The following CEP89 variants were observed in gnomAD, a reference collection of about 807,000 sequenced individuals.
The protein encoded by CEP89 is centrosomal protein of 89 kDa.
Under a neutral mutation model 97.6 loss-of-function variants are expected in CEP89, and 95 were observed. The ratio of observed to expected loss-of-function variants is 0.97; its 90% confidence interval spans 0.82 to 1.15. CEP89 has a LOEUF of 1.15. Among genes scored for constraint, CEP89 ranks in the 50% most tolerant of loss-of-function variants. The probability of loss-of-function intolerance (pLI) is 0.00; values close to 1 mark genes in which losing one functional copy is unlikely to be tolerated. For synonymous variants in CEP89, 354 were observed against 349.1 expected (o/e 1.01, Z -0.16); for missense variants, 869 against 947.7 (o/e 0.92, Z 1.09).
Position 32,937,657 on chromosome 19 carries a change from A to G in CEP89, c.641T>C (p.Leu214Ser), listed in dbSNP as rs748741497. ...VLNLKDEKPPLCEKPPPSPDI... is the reference protein window; with the variant it reads ...VLNLKDEKPPSCEKPPPSPDI... ...TGGGGAGGGTGGAGGTTTCTCACAT[A>G]ATGGAGGTTTTTCATCCTAGGAAAG... is the stretch of plus-strand genomic sequence containing the variant. Residue 214 changes from leucine (L) to serine (S), a missense_variant, in exon 7 of 19, where the codon TTA (leucine) becomes TCA (serine). Leu to Ser is a moderately radical substitution (Grantham distance 145). Transcript: ENST00000305768. 6.2e-7 allele frequency: 1 copy of G among 1,606,446 alleles called. No individual in the cohort carries two copies. The highest frequency in any genetic ancestry group is 1.1e-5 in the South Asian group (1 of 89,912).
rs529725271 is a variant in CEP89 at position 32,923,076 on chromosome 19, G to T, written c.1268+363C>A. ...AAGCCTCATGAGCTTTCTGTTTTGG[G>T]AGGCCATTTTGAGCTTTCTGTTCTG... is the stretch of plus-strand genomic sequence containing the variant. On this transcript the variant is annotated intron_variant, in intron 12 of 18. Coordinates refer to ENST00000305768, the MANE Select transcript of CEP89 (RefSeq NM_032816.5). 2.0e-5 allele frequency among the ~76,000 whole-genome samples: 3 copies of T among 152,228 alleles called. No homozygotes were observed. The East Asian group carries it at 5.8e-4, about 29-fold the overall frequency.
chr19:32,939,779 G>T, intron 6 of CEP89, 78 bp downstream of exon 6: 1 of 701,534 alleles, frequency 1.4e-6, no homozygotes, highest in African/African-American at 1.9e-5. Flanking sequence ...CAACACCAAA[G>T]TTGTTGAAAA....
chr19:32,937,802 C>T, intron 6 of CEP89, 129 bp from the exon 7 acceptor site: 1 of 727,734 alleles, frequency 1.4e-6, no homozygotes, highest in Non-Finnish European at 2.4e-6. Flanking sequence ...GACTCTTGTT[C>T]TTTGTTTGTT....
In CEP89 at chr19:32,971,823, A is replaced by G. The variant is rs777948531; in HGVS notation, c.39+13T>C. 6.3e-7 allele frequency: 1 copy of G among 1,589,548 alleles called. No homozygotes were observed. The highest frequency in any genetic ancestry group is 2.3e-5 in the East Asian group (1 of 43,060). On this transcript the variant is annotated intron_variant, in intron 1 of 18. Coordinates refer to ENST00000305768, the MANE Select transcript of CEP89 (RefSeq NM_032816.5). ...CACAGAGCCCCACGCGCGGCGGGCG[A>G]GCATCTACTTACGAAATGACTCCTG... is the stretch of plus-strand genomic sequence containing the variant.
In CEP89 at chr19:32,902,010, C is replaced by CTCTG. The variant is rs1207481256; in HGVS notation, c.1566-599_1566-598insCAGA. On this transcript the variant is annotated intron_variant, in intron 14 of 18. Coordinates refer to ENST00000305768, the MANE Select transcript of CEP89 (RefSeq NM_032816.5). ...TCTGTCTCTCTGTCTCTCTCTCTCTCTGTGTGTGTGTGTGTGTGTGTGTGT... is the reference window on the plus strand; with the variant it reads ...TCTGTCTCTCTGTCTCTCTCTCTCTCTCTGTGTGTGTGTGTGTGTGTGTGTGTGT... 1.6e-3 allele frequency among the ~76,000 whole-genome samples: 209 copies of CTCTG among 133,802 alleles called. 2 individuals carry two copies. Among genetic ancestry groups the CTCTG allele is most frequent in the African/African-American group, 3.2e-3 (109 of 34,566 alleles). The allele number at this position is 133,802 out of a possible 152,430, so 87.8% of individuals were successfully genotyped here.
chr19:32,938,271 G>A (rs547152052), intron 6 of CEP89, among the ~76,000 whole-genome samples: 1 of 152,216 alleles, frequency 6.6e-6, no homozygotes, highest in Admixed American at 6.5e-5. Context: ...GCGGGCTGTG[G>A]GCTCACGTTG....
chr19:32,915,300 G>GAAAAA, intron 14 of CEP89, 37 bp downstream of exon 14: 2 of 1,221,800 alleles, frequency 1.6e-6, no homozygotes, highest in Admixed American at 3.1e-5. Flanking sequence ...CTCGAAAAAA[G>GAAAAA]AAAAAAAAAA....
intron 17 of CEP89, among the ~76,000 whole-genome samples, chr19:32,886,084 C>T (rs1430244707): frequency 6.6e-6 from 1 of 152,168 alleles, no homozygotes; most frequent in Non-Finnish European, 1.5e-5. Flanking sequence ...TTCTTCCTGG[C>T]TCTGACTGCC....
intron 2 of CEP89, among the ~76,000 whole-genome samples, chr19:32,965,701 A>C (rs1350803831): frequency 6.7e-6 from 1 of 149,780 alleles, no homozygotes; most frequent in East Asian, 2.0e-4. Context: ...GCCTTGAAAA[A>C]AAAATTAATA....
chr19:32,952,660 T>C (rs1970946388), intron 4 of CEP89, among the ~76,000 whole-genome samples: 2 of 151,394 alleles, frequency 1.3e-5, no homozygotes, highest in South Asian at 4.2e-4. Context: ...TCCAGGTACT[T>C]TGAAAGGCTG....
chr19:32,936,718 G>A lies in CEP89; in HGVS notation c.667+913C>T, dbSNP rs868848488. 2.0e-5 allele frequency among the ~76,000 whole-genome samples: 3 copies of A among 152,054 alleles called. No individual in the cohort carries two copies. The highest frequency in any genetic ancestry group is 1.3e-4 in the Admixed American group (2 of 15,264). ...ATGTCAGAGGACCAGCAGCAGAGAG[G>A]AGCAACCCACTCCAGGGCCTCCTCT... On this transcript the variant is annotated intron_variant, in intron 7 of 18. Transcript: ENST00000305768. This position sits in a 1 kb window ranked among gnomAD's most constrained non-coding sequence, Gnocchi z 4.5.
chr19:32,879,204 A>G lies in CEP89; in HGVS notation c.2310T>C (p.Asp770=), dbSNP rs773981059. 2.7e-5 allele frequency: 43 copies of G among 1,613,926 alleles called. No homozygotes were observed. The highest frequency in any genetic ancestry group is 3.6e-5 in the Non-Finnish European group (43 of 1,179,956). Residue 770 remains aspartate (D), a synonymous_variant, in exon 19 of 19, where the codon GAT becomes GAC. Transcript: ENST00000305768. ...GAGACTTCAGGTCATAGGAGCAGAC[A>G]TCGCAGCCGTCCAGCAGGTCTGCCT... is the stretch of plus-strand genomic sequence containing the variant. ...VSQADLLDGC[D]VCSYDLKSHA...
intron 9 of CEP89, among the ~76,000 whole-genome samples, chr19:32,928,296 T>C (rs1258970607): frequency 6.6e-6 from 1 of 152,142 alleles, no homozygotes; most frequent in Non-Finnish European, 1.5e-5. Context: ...TAATGTCACA[T>C]TGTTGAGTGT....
chr19:32,918,279 C>T lies in CEP89; in HGVS notation c.1329G>A (p.Gln443=), dbSNP rs115250365. 518 of 1,614,212 alleles carry T rather than the reference C, an allele frequency of 3.2e-4. 2 individuals carry two copies. The African/African-American group carries it at 5.7e-3, about 18-fold the overall frequency. ...TGGCTTTCCTTTGCTGAATCTCCAA[C>T]TGCTCCAGCAACAACTTGTTTTCCT... is the stretch of plus-strand genomic sequence containing the variant. ...VLEENKLLLE[Q]LEIQQRKAKD... is the part of the protein sequence containing the mutation. The change falls in exon 13 of 19, where the codon CAG becomes CAA. Residue 443 remains glutamine, a synonymous_variant. Coordinates refer to ENST00000305768, the MANE Select transcript of CEP89 (RefSeq NM_032816.5).
chr19:32,959,041 C>A lies in CEP89; in HGVS notation c.305+859G>T, dbSNP rs1162400956. On this transcript the variant is annotated intron_variant, in intron 3 of 18. Transcript: ENST00000305768. Reference sequence around the variant, plus strand: ...TCAAAACAAAACAAAACAAAACAAACAAAACAAAAAAAAAAAAAACAGACA... The same window carrying A: ...TCAAAACAAAACAAAACAAAACAAAAAAAACAAAAAAAAAAAAAACAGACA... Among the ~76,000 whole-genome samples the A allele has an allele frequency of 4.8e-5, 6 of 125,988 alleles. No individual in the cohort carries two copies. The East Asian group carries it at 9.8e-4, about 21-fold the overall frequency. 82.7% of individuals were successfully genotyped at this position (125,988 alleles called of 152,430 possible). A position where few individuals can be genotyped will look rare whatever the true frequency, so the allele number is the denominator to read the frequency against.
intron 7 of CEP89, among the ~76,000 whole-genome samples, chr19:32,933,959 G>A (rs1970529726): frequency 6.6e-6 from 1 of 152,188 alleles, no homozygotes; most frequent in Admixed American, 6.5e-5. Flanking sequence ...GGAGCCAGCA[G>A]GGCTTTCAAG....
chr19:32,942,679 G>C (rs1043242915), intron 5 of CEP89, among the ~76,000 whole-genome samples: 1 of 152,064 alleles, frequency 6.6e-6, no homozygotes, highest in African/African-American at 2.4e-5. Flanking sequence ...AATCTACTTT[G>C]TGTCCTGTGT....
intron 5 of CEP89, 82 bp downstream of exon 5, chr19:32,948,184 G>A: frequency 1.4e-6 from 1 of 698,432 alleles, no homozygotes. Context: ...GGGGCAATGG[G>A]TATGTTTTCC....
rs752194430 is a variant in CEP89 at position 32,881,937 on chromosome 19, C to A, written c.2042G>T (p.Gly681Val). ...RLLEQQEDFA[G>V]KTAQYRQEMR... ...CTCCTGCCGGTACTGGGCTGTCTTG[C>A]CGGCGAAGTCCTCCTGCTGCTCCAG... The change falls in exon 18 of 19, where the codon GGC (glycine) becomes GTC (valine). Residue 681 changes from glycine (G) to valine (V), a missense_variant. Coordinates refer to ENST00000305768, the MANE Select transcript of CEP89 (RefSeq NM_032816.5). 5.6e-6 allele frequency: 9 copies of A among 1,599,072 alleles called. No individual in the cohort carries two copies. Among genetic ancestry groups the A allele is most frequent in the Non-Finnish European group, 7.7e-6 (9 of 1,173,814 alleles).
Sources: allele counts gnomAD v4.1 joint callset (sites outside exome capture counted in the v4.1 genomes callset), GRCh38; gene constraint gnomAD v4.1.1; non-coding constraint Gnocchi (gnomAD v3.1); transcripts MANE v1.5; gene names NCBI Gene and HGNC (gene_info 2026-07-23, HGNC 2026-07-21).